The following RYR2 variants were observed in gnomAD, a reference collection of about 807,000 sequenced individuals.
RYR2 encodes the protein ryanodine receptor 2.
In RYR2, 227 loss-of-function variants were observed where a neutral mutation model predicts 601.1. The observed-to-expected ratio is 0.38, with a 90% CI of 0.34 to 0.42. The LOEUF is 0.42. Among genes scored for constraint, RYR2 ranks in the 10% least tolerant of loss-of-function variants. The probability of loss-of-function intolerance (pLI) is 1.00; values close to 1 mark genes in which losing one functional copy is unlikely to be tolerated. For missense variants in RYR2, 4,646 were observed against 6,156.5 expected, an observed-to-expected ratio of 0.75 and a Z score of 8.21; for synonymous variants, 2,223 against 2,175.1, an observed-to-expected ratio of 1.02 and a Z score of -0.61.
chr1:237,368,153 G>A (rs1254230275), intron 5 of RYR2, among the ~76,000 whole-genome samples: 1 of 152,022 alleles, frequency 6.6e-6, no homozygotes, highest in Non-Finnish European at 1.5e-5. Flanking sequence ...AGTATAAATG[G>A]GGCTGTGCAA....
At chr1:237,283,084 G>T (rs1377982304) in intron 2 of RYR2, among the ~76,000 whole-genome samples, 1 of 152,100 alleles carries the variant, frequency 6.6e-6, no homozygotes, top group East Asian at 1.9e-4. Context: ...CATGCCTTTG[G>T]ATATACTCTG....
At chr1:237,676,581 G>A (rs1490026548) in intron 60 of RYR2, among the ~76,000 whole-genome samples, 1 of 152,190 alleles carries the variant, frequency 6.6e-6, no homozygotes, top group Non-Finnish European at 1.5e-5. Context: ...TAGAGGAGCA[G>A]ATAGAGCTGT....
At chr1:237,237,820 A>G (rs1336721072) in intron 1 of RYR2, among the ~76,000 whole-genome samples, 1 of 152,056 alleles carries the variant, frequency 6.6e-6, no homozygotes, top group Non-Finnish European at 1.5e-5. Flanking sequence ...GTTATCTCTG[A>G]AACTTGCTAC....
At chr1:237,475,872 G>A (rs1661341886) in intron 17 of RYR2, among the ~76,000 whole-genome samples, 2 of 152,154 alleles carry the variant, frequency 1.3e-5, no homozygotes. Context: ...TATTTTCCCT[G>A]ACTTCAAGTG....
intron 72 of RYR2, among the ~76,000 whole-genome samples, chr1:237,717,658 TAA>T (rs758447753): frequency 6.6e-6 from 1 of 152,192 alleles, no homozygotes; most frequent in Non-Finnish European, 1.5e-5. Flanking sequence ...AACTTCTATA[TAA>T]AGTTTGTGAT....
intron 62 of RYR2, 26 bp from the exon 63 acceptor site, chr1:237,687,428 TC>T: frequency 7.1e-7 from 1 of 1,407,868 alleles, no homozygotes; most frequent in Non-Finnish European, 1.0e-6. Flanking sequence ...CCTTCCCTTT[TC>T]TCTTTTGTTT....
chr1:237,418,111 C>T (rs1308210456), intron 11 of RYR2, among the ~76,000 whole-genome samples: 4 of 152,058 alleles, frequency 2.6e-5, no homozygotes, highest in Non-Finnish European at 4.4e-5. Context: ...GGCGCGATCT[C>T]GGTTCACTGC....
At chr1:237,213,209 G>C (rs567795847) in intron 1 of RYR2, among the ~76,000 whole-genome samples, 2 of 151,614 alleles carry the variant, frequency 1.3e-5, no homozygotes, top group Admixed American at 6.6e-5. Flanking sequence ...ACAGAGTCTC[G>C]CTCTGTCATC....
At chr1:237,719,292 TA>T (rs1689514623) in intron 73 of RYR2, among the ~76,000 whole-genome samples, 1 of 152,142 alleles carries the variant, frequency 6.6e-6, no homozygotes, top group Non-Finnish European at 1.5e-5. Flanking sequence ...GATCAGTAAT[TA>T]AATATATATT....
In RYR2 at chr1:237,590,667, A is replaced by G; in HGVS notation, c.3835A>G (p.Ser1279Gly). The G allele has an allele frequency of 6.4e-7, 1 of 1,559,664 alleles. No homozygotes were observed. The highest frequency in any genetic ancestry group is 8.7e-7 in the Non-Finnish European group (1 of 1,152,234). Residue 1279 changes from serine (S) to glycine (G), a missense_variant, in exon 31 of 105, where the codon AGT (serine) becomes GGT (glycine). Coordinates refer to ENST00000366574, the MANE Select transcript of RYR2 (RefSeq NM_001035.3). ...GACCAGAATAGACGGCACCATAGACAGTTCCCCATGTTTAAAGGTCACTCA... is the reference window on the plus strand; with the variant it reads ...GACCAGAATAGACGGCACCATAGACGGTTCCCCATGTTTAAAGGTCACTCA... ...EVTRIDGTID[S>G]SPCLKVTQKS...
At chr1:237,222,218 T>G (rs1439236278) in intron 1 of RYR2, among the ~76,000 whole-genome samples, 1 of 151,940 alleles carries the variant, frequency 6.6e-6, no homozygotes, top group Non-Finnish European at 1.5e-5. Context: ...ATCGAGACCA[T>G]ACTGGCTAAC....
At chr1:237,084,410 A>G (rs1666077691) in intron 1 of RYR2, among the ~76,000 whole-genome samples, 1 of 152,228 alleles carries the variant, frequency 6.6e-6, no homozygotes, top group African/African-American at 2.4e-5. Flanking sequence ...GGTATTATGG[A>G]AATTGAATGG....
rs1259504346 is a variant in RYR2, at chr1:237,795,296, C to G, written c.13921C>G (p.Pro4641Ala). ...DRLVINTQSF[P>A]NNYWDKFVKR... ...TGCTTTTGTATATTTTAGGTCATTT[C>G]CCAACAACTACTGGGACAAATTTGT... is the stretch of plus-strand genomic sequence containing the variant. The change falls in exon 96 of 105, where the codon CCC becomes GCC. Residue 4641 changes from proline (P) to alanine (A), a missense_variant. Pro to Ala is a conservative substitution (Grantham distance 27, BLOSUM62 -1). Transcript: ENST00000366574. 3 of 1,401,520 alleles carry G rather than the reference C, an allele frequency of 2.1e-6. No individual in the cohort carries two copies. Among genetic ancestry groups the G allele is most frequent in the Non-Finnish European group, 2.9e-6 (3 of 1,018,918 alleles). The allele number at this position is 1,401,520 out of a possible 1,614,324, so 86.8% of individuals were successfully genotyped here.
Position 237,634,917 on chromosome 1 carries a change from A to G in RYR2, c.6717A>G (p.Pro2239=), listed in dbSNP as rs1288613413. 6.2e-7 allele frequency: 1 copy of G among 1,609,552 alleles called. No individual in the cohort carries two copies. Among genetic ancestry groups the G allele is most frequent in the Admixed American group, 1.7e-5 (1 of 59,564 alleles). Residue 2239 remains proline (P), a synonymous_variant, in exon 44 of 105, where the codon CCA becomes CCG. Coordinates refer to ENST00000366574, the MANE Select transcript of RYR2 (RefSeq NM_001035.3). ...CCCCAGCTATGAGAGGTTCAACACCACTGGATGTGGCTGCAGCTTCGGTGA... is the reference window on the plus strand; with the variant it reads ...CCCCAGCTATGAGAGGTTCAACACCGCTGGATGTGGCTGCAGCTTCGGTGA... ...LASPAMRGST[P]LDVAAASVMD...
intron 1 of RYR2, among the ~76,000 whole-genome samples, chr1:237,264,540 G>C (rs1302928420): frequency 1.3e-5 from 2 of 152,078 alleles, no homozygotes; most frequent in Non-Finnish European, 2.9e-5. Flanking sequence ...TGCTGATTTA[G>C]TGGTATTAAC....
At chr1:237,056,388 GAGCACTGCACCTGTGAGGACTGC>G (rs1662062748) in intron 1 of RYR2, among the ~76,000 whole-genome samples, 3 of 144,636 alleles carry the variant, frequency 2.1e-5, no homozygotes, top group Admixed American at 6.9e-5. Context: ...GTGAGGACTG[GAGCACTGCACCTGTGAGGACTGC>G]AGCACTGCAC....
intron 1 of RYR2, among the ~76,000 whole-genome samples, chr1:237,088,196 C>T (rs1428508433): frequency 1.3e-5 from 2 of 151,858 alleles, no homozygotes; most frequent in African/African-American, 4.8e-5. Flanking sequence ...GCTGTAAAGG[C>T]GTGTAAAGCA....
rs1184631686 is a variant in RYR2 at position 237,101,048 on chromosome 1, C to T, written c.48+58479C>T. On this transcript the variant is annotated intron_variant, in intron 1 of 104. Coordinates refer to ENST00000366574, the MANE Select transcript of RYR2 (RefSeq NM_001035.3). ...GACCACCAGCTCCCAAGCCGCATGA[C>T]GGTGCTTTCCTTCAAGGTTCAGAGG... 2.6e-5 allele frequency among the ~76,000 whole-genome samples: 4 copies of T among 152,098 alleles called. No homozygotes were observed. In the East Asian group the frequency reaches 5.8e-4, roughly 22 times the overall value.
At chr1:237,402,682 CT>C (rs376575838) in intron 10 of RYR2, among the ~76,000 whole-genome samples, 37 of 152,256 alleles carry the variant, frequency 2.4e-4, no homozygotes, top group African/African-American at 8.9e-4. Context: ...CATCCCAGCA[CT>C]TTGGGAGGAT....
Sources: gnomAD v4.1 joint callset for allele counts (sites outside exome capture counted in the v4.1 genomes callset) on GRCh38, gnomAD v4.1.1 for gene constraint, MANE v1.5 for transcripts, NCBI Gene and HGNC (gene_info 2026-07-23, HGNC 2026-07-21) for gene names.